PRR16: variants seen among roughly 807,000 people sequenced by gnomAD.
PRR16 encodes the protein proline rich 16.
Under a neutral mutation model 18.2 loss-of-function variants are expected in PRR16, and 6 were observed. The ratio of observed to expected loss-of-function variants is 0.33; its 90% CI spans 0.18 to 0.65. The LOEUF (loss-of-function observed/expected upper bound fraction) is 0.65, where lower values mean the gene tolerates loss of function less well. Among genes scored for constraint, PRR16 ranks in the 30% least tolerant of loss-of-function variants. PRR16 has a pLI of 0.74. For missense variants in PRR16, 412 were observed against 376.6 expected, an observed-to-expected ratio of 1.09 and a Z score of -0.78; for synonymous variants, 151 against 147.8, an observed-to-expected ratio of 1.02 and a Z score of -0.16.
At chr5:120,660,034 T>G (rs148184144) in intron 1 of PRR16, among the ~76,000 whole-genome samples, 1 of 152,178 alleles carries the variant, frequency 6.6e-6, no homozygotes, top group South Asian at 2.1e-4. Flanking sequence ...TGGCTTAGAT[T>G]GCTCCATCCA....
chr5:120,624,596 A>T (rs961390985), intron 1 of PRR16, among the ~76,000 whole-genome samples: 1 of 152,154 alleles, frequency 6.6e-6, no homozygotes, highest in African/African-American at 2.4e-5. Context: ...TCTGTGCCTC[A>T]GTTATCTTAT....
intron 1 of PRR16, among the ~76,000 whole-genome samples, chr5:120,558,170 T>G (rs1402633348): frequency 1.3e-5 from 2 of 151,960 alleles, no homozygotes; most frequent in Non-Finnish European, 2.9e-5. Context: ...TTTAGTTCTT[T>G]TAAATGTGCA....
chr5:120,739,180 TGTGA>T, the PRR16 span, among the ~76,000 whole-genome samples: 1 of 152,124 alleles, frequency 6.6e-6, no homozygotes, highest in African/African-American at 2.4e-5. Context: ...CCAAAGTTTC[TGTGA>T]GTGAGTATGT....
chr5:120,694,608 CCA>C, the PRR16 span, among the ~76,000 whole-genome samples: 9 of 151,392 alleles, frequency 5.9e-5, no homozygotes, highest in African/African-American at 9.7e-5. Context: ...GGCGTGAACC[CCA>C]GGGGGCGGAG....
At chr5:120,778,684 C>A in the PRR16 span, among the ~76,000 whole-genome samples, 1 of 152,074 alleles carries the variant, frequency 6.6e-6, no homozygotes, top group African/African-American at 2.4e-5. Flanking sequence ...GACTTCTAAC[C>A]CTGCTTGTGT....
chr5:120,578,938 C>A (rs554753718), intron 1 of PRR16, among the ~76,000 whole-genome samples: 1 of 152,174 alleles, frequency 6.6e-6, no homozygotes, highest in South Asian at 2.1e-4. Context: ...TTAATAATTG[C>A]CCTTCTGATT....
At chr5:120,608,230 T>G (rs994227515) in intron 1 of PRR16, among the ~76,000 whole-genome samples, 7 of 152,174 alleles carry the variant, frequency 4.6e-5, no homozygotes, top group Non-Finnish European at 8.8e-5. Flanking sequence ...AATTTTGCCT[T>G]CCCTGCATAA....
chr5:120,623,020 T>C (rs1256209939), intron 1 of PRR16, among the ~76,000 whole-genome samples: 1 of 152,118 alleles, frequency 6.6e-6, no homozygotes, highest in East Asian at 1.9e-4. Context: ...GAATTTTTTT[T>C]CACAAAAACG....
At chr5:120,638,666 T>C (rs1204910247) in intron 1 of PRR16, among the ~76,000 whole-genome samples, 1 of 152,094 alleles carries the variant, frequency 6.6e-6, no homozygotes, top group African/African-American at 2.4e-5. Context: ...CTCTGCACTT[T>C]CTCTTTTTTA....
chr5:120,712,280 C>T, the PRR16 span, among the ~76,000 whole-genome samples: 1 of 152,048 alleles, frequency 6.6e-6, no homozygotes, highest in African/African-American at 2.4e-5. Context: ...ACACAATATG[C>T]AATAATACAA....
At chr5:120,544,740 A>C (rs897308) in intron 1 of PRR16, among the ~76,000 whole-genome samples, 32,106 of 151,862 alleles carry the variant, frequency 0.21, 3,472 homozygotes, top group African/African-American at 0.22. Flanking sequence ...GGGTCTCACT[A>C]TGTTGCCCAG....
the PRR16 span, among the ~76,000 whole-genome samples, chr5:120,784,076 A>ATATG: frequency 1.3e-5 from 2 of 152,132 alleles, no homozygotes; most frequent in Non-Finnish European, 2.9e-5. Flanking sequence ...TTCATTGTAT[A>ATATG]TATGTTCTAC....
intron 1 of PRR16, among the ~76,000 whole-genome samples, chr5:120,589,650 A>G (rs1753566050): frequency 6.6e-6 from 1 of 152,070 alleles, no homozygotes; most frequent in Admixed American, 6.6e-5. Flanking sequence ...GGCAGGAGAA[A>G]ATGAGGAAGA....
intron 1 of PRR16, among the ~76,000 whole-genome samples, chr5:120,597,830 T>C (rs1285778899): frequency 6.6e-6 from 1 of 151,904 alleles, no homozygotes; most frequent in Non-Finnish European, 1.5e-5. Flanking sequence ...TTTTCTCCCT[T>C]TGCCTTTTCA....
intron 1 of PRR16, among the ~76,000 whole-genome samples, chr5:120,542,416 A>G (rs1277376390): frequency 6.6e-6 from 1 of 152,138 alleles, no homozygotes; most frequent in Non-Finnish European, 1.5e-5. Context: ...TTCACCCTCT[A>G]TCACTATTAA....
At chr5:120,524,952 A>T (rs746695542) in intron 1 of PRR16, among the ~76,000 whole-genome samples, 3 of 152,114 alleles carry the variant, frequency 2.0e-5, no homozygotes, top group Non-Finnish European at 2.9e-5. Flanking sequence ...AAATATGATA[A>T]TATAAAAATA....
the PRR16 span, among the ~76,000 whole-genome samples, chr5:120,711,692 C>A: frequency 6.6e-6 from 1 of 152,240 alleles, no homozygotes; most frequent in African/African-American, 2.4e-5. Flanking sequence ...TGTACAAAGT[C>A]CTGCTTTTAT....
chr5:120,486,031 T>G (rs1749788503), intron 1 of PRR16, among the ~76,000 whole-genome samples: 1 of 152,214 alleles, frequency 6.6e-6, no homozygotes, highest in Admixed American at 6.5e-5. Flanking sequence ...TGCCACATTT[T>G]CTTAATCCAG....
At chr5:120,617,229 G>T in intron 1 of PRR16, 1 of 917,096 alleles carries the variant, frequency 1.1e-6, no homozygotes, top group Non-Finnish European at 1.3e-6. Context: ...GCAGGAATTT[G>T]GACAGCACAT....
Sources: allele counts gnomAD v4.1 joint callset (sites outside exome capture counted in the v4.1 genomes callset), GRCh38; gene constraint gnomAD v4.1.1; transcripts MANE v1.5; gene names NCBI Gene and HGNC (gene_info 2026-07-23, HGNC 2026-07-21).